KLHDC4: variants seen among roughly 807,000 people sequenced by gnomAD.
The protein encoded by KLHDC4 is kelch domain-containing protein 4.
KLHDC4 carries 90 observed loss-of-function variants against 62.4 expected under a neutral mutation model. That is an observed-to-expected ratio of 1.44 (90% confidence interval 1.22 to 1.72). KLHDC4 has a LOEUF of 1.72. Among genes scored for constraint, KLHDC4 ranks in the 40% most tolerant of loss-of-function variants. KLHDC4 has a pLI of 0.00. For missense variants in KLHDC4, 1,025 were observed against 699.7 expected (o/e 1.47, Z -5.25); for synonymous variants, 386 against 284.4 (o/e 1.36, Z -3.59).
At chr16:87,703,589 G>A (rs1229727774), downstream of KLHDC4, among the ~76,000 whole-genome samples, 1 of 152,216 alleles carries the variant, frequency 6.6e-6, no homozygotes, top group African/African-American at 2.4e-5. Flanking sequence ...CCAGAGCTTT[G>A]TAAACCTGCG....
intron 5 of KLHDC4, among the ~76,000 whole-genome samples, chr16:87,737,713 G>A (rs2041581402): frequency 6.6e-6 from 1 of 151,300 alleles, no homozygotes; most frequent in Non-Finnish European, 1.5e-5. Flanking sequence ...TAAGACTCCC[G>A]AGTAGCTGCA....
At chr16:87,754,094 A>G (rs974565912) in intron 4 of KLHDC4, among the ~76,000 whole-genome samples, 11 of 140,592 alleles carry the variant, frequency 7.8e-5, no homozygotes, top group Non-Finnish European at 1.5e-4. Context: ...GAGCTGATAT[A>G]ATGCCACTGC....
At chr16:87,742,371 G>T (rs1256096652) in intron 5 of KLHDC4, among the ~76,000 whole-genome samples, 1 of 152,198 alleles carries the variant, frequency 6.6e-6, no homozygotes, top group African/African-American at 2.4e-5. Context: ...GCAATCATTA[G>T]TAACTTACAA....
At chr16:87,735,546 C>T (rs915846732) in intron 5 of KLHDC4, among the ~76,000 whole-genome samples, 4 of 152,232 alleles carry the variant, frequency 2.6e-5, no homozygotes, top group Admixed American at 1.3e-4. Context: ...GCTGACACAA[C>T]GGACTCAATT....
In KLHDC4 at chr16:87,730,070, C is replaced by T. The variant is rs1479297886; in HGVS notation, c.599+482G>A. 2.0e-5 allele frequency among the ~76,000 whole-genome samples: 3 copies of T among 152,342 alleles called. No homozygotes were observed. The East Asian group carries it at 5.8e-4, about 29-fold the overall frequency. On this transcript the variant is annotated intron_variant, in intron 6 of 11. Coordinates refer to ENST00000270583, the MANE Select transcript of KLHDC4 (RefSeq NM_017566.4). ...CTGGGTTCAAGCGATTCTCCTGCCT[C>T]AGCCTCCTGAGTAGCTGAGATTACA...
At position 87,730,626 on chromosome 16, in the gene KLHDC4, C is replaced by G; in HGVS notation, c.525G>C (p.Ser175=). The change falls in exon 6 of 12, where the codon TCG becomes TCC. Residue 175 remains serine, a synonymous_variant. Coordinates refer to ENST00000270583, the MANE Select transcript of KLHDC4 (RefSeq NM_017566.4). Reference sequence around the variant, plus strand: ...CCACCATCCGATGTCCACTCCGACCCGAAGGACCGCCTGTTGATCTAAAAT... The same window carrying G: ...CCACCATCCGATGTCCACTCCGACCGGAAGGACCGCCTGTTGATCTAAAAT... The part of the protein sequence containing the change: ...WEQVKSTGGP[S]GRSGHRMVAW... 1.2e-6 allele frequency: 2 copies of G among 1,612,602 alleles called. No homozygotes were observed. The highest frequency in any genetic ancestry group is 8.5e-7 in the Non-Finnish European group (1 of 1,179,702).
chr16:87,754,003 G>A (rs1283189606), intron 4 of KLHDC4, among the ~76,000 whole-genome samples: 1 of 151,200 alleles, frequency 6.6e-6, no homozygotes, highest in African/African-American at 2.4e-5. Flanking sequence ...AGCCGGACGT[G>A]GTGGCATGTG....
At chr16:87,742,153 T>C (rs2042331684) in intron 5 of KLHDC4, among the ~76,000 whole-genome samples, 1 of 151,578 alleles carries the variant, frequency 6.6e-6, no homozygotes, top group African/African-American at 2.4e-5. Context: ...AGCGGCCACA[T>C]AGTGTGTGAA....
chr16:87,724,002 A>G (rs2038909606), intron 7 of KLHDC4, among the ~76,000 whole-genome samples: 1 of 151,974 alleles, frequency 6.6e-6, no homozygotes, highest in South Asian at 2.1e-4. Context: ...ACGCCTGGCT[A>G]ATTTTTGTAT....
At position 87,702,457 on chromosome 16, in the gene KLHDC4, G is replaced by T. The variant is rs138043720; in HGVS notation, c.58C>A (p.Arg20=). ...TCTCGCTTGGGCCTCTGGGGAGCCC[G>T]CGTCCCCAAATGTAGCCACATCAGA... Residue 20 remains arginine, a synonymous_variant, in exon 1 of 1, where the codon CGG becomes AGG. Coordinates refer to the KLHDC4 transcript ENST00000446344. 69 of 362,986 alleles carry T rather than the reference G, an allele frequency of 1.9e-4. 1 individual carries two copies. Among genetic ancestry groups the T allele is most frequent in the South Asian group, 7.6e-4 (37 of 48,892 alleles). The allele number at this position is 362,986 out of a possible 1,614,324, so 22.5% of individuals were successfully genotyped here.
At chr16:87,728,308 G>A (rs1410648461) in intron 6 of KLHDC4, among the ~76,000 whole-genome samples, 3 of 152,238 alleles carry the variant, frequency 2.0e-5, no homozygotes, top group Non-Finnish European at 2.9e-5. Context: ...GTGGAAGCGT[G>A]TAATCTTTAA....
At chr16:87,721,387 C>G (rs2038293573) in intron 7 of KLHDC4, among the ~76,000 whole-genome samples, 1 of 141,430 alleles carries the variant, frequency 7.1e-6, no homozygotes, top group Non-Finnish European at 1.5e-5. Flanking sequence ...GCACTCCAGC[C>G]TGGGGGATAG....
chr16:87,765,606 T>A (rs1362921652), intron 1 of KLHDC4, among the ~76,000 whole-genome samples, 186 bp downstream of exon 1: 2 of 151,738 alleles, frequency 1.3e-5, no homozygotes, highest in Non-Finnish European at 2.9e-5. Flanking sequence ...ACGTGGAGAC[T>A]CAGGAGGGGG....
chr16:87,730,816 G>C (rs1296207672), intron 5 of KLHDC4, 172 bp from the exon 6 acceptor site: 2 of 562,120 alleles, frequency 3.6e-6, no homozygotes, highest in South Asian at 4.2e-5. Context: ...AAACCATCCT[G>C]CTAAGAGCCC....
intron 5 of KLHDC4, among the ~76,000 whole-genome samples, chr16:87,744,269 G>T (rs2042686940): frequency 6.6e-6 from 1 of 152,160 alleles, no homozygotes; most frequent in African/African-American, 2.4e-5. Context: ...TACAAAATTA[G>T]CCGGGCATGG....
chr16:87,718,174 C>T (rs182298548), intron 7 of KLHDC4, among the ~76,000 whole-genome samples: 65 of 152,336 alleles, frequency 4.3e-4, no homozygotes, highest in African/African-American at 1.4e-3. Flanking sequence ...TAACAGACAA[C>T]GGCCTTGTTG....
downstream of KLHDC4, among the ~76,000 whole-genome samples, chr16:87,707,486 G>A (rs1032848627): frequency 4.6e-5 from 7 of 152,238 alleles, no homozygotes; most frequent in Non-Finnish European, 1.0e-4. Flanking sequence ...CAGCCAGCCA[G>A]CGGTGCTTCA....
chr16:87,754,538 G>C (rs760656952), intron 4 of KLHDC4, among the ~76,000 whole-genome samples: 1 of 152,218 alleles, frequency 6.6e-6, no homozygotes, highest in Admixed American at 6.5e-5. Flanking sequence ...GCACAGGAAT[G>C]CATGTATCAT....
intron 5 of KLHDC4, among the ~76,000 whole-genome samples, chr16:87,745,211 T>G (rs895044967): frequency 6.6e-6 from 1 of 152,230 alleles, no homozygotes; most frequent in Non-Finnish European, 1.5e-5. Flanking sequence ...ACACCCATAT[T>G]GCCCAGCACT....
Sources: allele counts gnomAD v4.1 joint callset (sites outside exome capture counted in the v4.1 genomes callset), GRCh38; gene constraint gnomAD v4.1.1; transcripts MANE v1.5; gene names NCBI Gene and HGNC (gene_info 2026-07-23, HGNC 2026-07-21).